The following HBP1 variants were observed in gnomAD, a reference collection of about 807,000 sequenced individuals.
HBP1 encodes HMG-box transcription factor 1.
A neutral mutation model predicts 62.6 loss-of-function variants in HBP1; 20 were observed. The ratio of observed to expected loss-of-function variants is 0.32; its 90% CI spans 0.22 to 0.46. The LOEUF is 0.46. HBP1 is among the 20% of genes least tolerant of loss of function. HBP1 has a pLI of 1.00. For missense variants in HBP1, 480 were observed against 611.8 expected (o/e 0.78, Z 2.27); for synonymous variants, 232 against 206.2 (o/e 1.12, Z -1.07).
intron 1 of HBP1, among the ~76,000 whole-genome samples, chr7:107,176,172 C>T (rs1204293403): frequency 7.2e-5 from 11 of 151,848 alleles, no homozygotes; most frequent in African/African-American, 2.7e-4. Flanking sequence ...ATTACAGGCG[C>T]GTGCCACCAT....
At chr7:107,176,732 G>A (rs374019220) in intron 1 of HBP1, among the ~76,000 whole-genome samples, 5 of 150,048 alleles carry the variant, frequency 3.3e-5, no homozygotes, top group Admixed American at 6.6e-5. Flanking sequence ...GGGAGAGAGT[G>A]GAGGCTTAAA....
chr7:107,173,468 A>C (rs993863674), intron 1 of HBP1: 1 of 152,222 alleles, frequency 6.6e-6, no homozygotes, highest in Non-Finnish European at 1.5e-5. Context: ...TCTCGCCTTC[A>C]AAAAGAAAAT....
chr7:107,181,658 GTT>G (rs1299812651), intron 2 of HBP1, among the ~76,000 whole-genome samples: 2 of 143,904 alleles, frequency 1.4e-5, no homozygotes, highest in East Asian at 2.0e-4. Context: ...TTCGTGGAGA[GTT>G]TTTTTTTTTA....
intron 8 of HBP1, among the ~76,000 whole-genome samples, chr7:107,190,709 A>G (rs1015854202): frequency 4.6e-5 from 7 of 152,150 alleles, no homozygotes; most frequent in African/African-American, 1.7e-4. Flanking sequence ...TTTTCTTGAT[A>G]TAATAGTTAA....
intron 2 of HBP1, among the ~76,000 whole-genome samples, chr7:107,181,061 C>T (rs924780119): frequency 2.0e-5 from 3 of 152,138 alleles, no homozygotes; most frequent in Non-Finnish European, 2.9e-5. Flanking sequence ...GCTATATCAG[C>T]ATGAAAATTG....
At chr7:107,199,774 T>A (rs1018330864) in intron 9 of HBP1, among the ~76,000 whole-genome samples, 3 of 152,240 alleles carry the variant, frequency 2.0e-5, no homozygotes, top group Admixed American at 6.5e-5. Flanking sequence ...TTATCCAGTT[T>A]TCTCAAGTAA....
chr7:107,169,157 G>A lies in HBP1; in HGVS notation c.-44G>A. The A allele has an allele frequency of 1.7e-6, 2 of 1,146,564 alleles. No individual in the cohort carries two copies. The highest frequency in any genetic ancestry group is 2.2e-6 in the Non-Finnish European group (2 of 911,492). 71.0% of individuals were successfully genotyped at this position (1,146,564 alleles called of 1,614,324 possible). A position where few individuals can be genotyped will look rare whatever the true frequency, so the allele number is the denominator to read the frequency against. ...GGTGTTGTCGTGGCCGGAGCGGCCCGCGCCTGGGCTGCCGGCACTTCGCGG... is the reference window on the plus strand; with the variant it reads ...GGTGTTGTCGTGGCCGGAGCGGCCCACGCCTGGGCTGCCGGCACTTCGCGG... On this transcript the variant is annotated 5_prime_UTR_variant, in exon 1 of 11. Transcript: ENST00000222574.
At chr7:107,183,244 A>G (rs1402991566) in intron 3 of HBP1, among the ~76,000 whole-genome samples, 1 of 152,230 alleles carries the variant, frequency 6.6e-6, no homozygotes, top group Non-Finnish European at 1.5e-5. Context: ...ATGACAGTTT[A>G]TAAGGGAGAG....
intron 1 of HBP1, among the ~76,000 whole-genome samples, chr7:107,169,460 C>T (rs1274339109): frequency 7.9e-6 from 1 of 127,238 alleles, no homozygotes; most frequent in African/African-American, 3.0e-5. Flanking sequence ...CGGGCCAGGT[C>T]GCGCGGTGGG....
chr7:107,185,763 G>A, intron 3 of HBP1, 38 bp from the exon 4 acceptor site: 1 of 1,564,478 alleles, frequency 6.4e-7, no homozygotes, highest in Non-Finnish European at 8.8e-7. Flanking sequence ...CTACTTTAAG[G>A]ACCTATGCTT....
At position 107,179,864 on chromosome 7, in the gene HBP1, C is replaced by T. The variant is rs753287209; in HGVS notation, c.-15-15C>T. ...ATGGCTTGACATCATTTCTTAATGT[C>T]GTTTTTATTTTAAGTCAGAGCACCA... On this transcript the variant is annotated splice_polypyrimidine_tract_variant and intron_variant, in intron 1 of 10. Transcript: ENST00000222574. 7.8e-6 allele frequency: 12 copies of T among 1,536,528 alleles called. No individual in the cohort carries two copies. Among genetic ancestry groups the T allele is most frequent in the South Asian group, 5.9e-5 (5 of 84,258 alleles).
In HBP1 at chr7:107,201,849, A is replaced by ATTT. The variant is rs1798342516; in HGVS notation, c.*418_*419insTTT. 2 of 155,090 alleles carry ATTT rather than the reference A, an allele frequency of 1.3e-5. No individual in the cohort carries two copies. The highest frequency in any genetic ancestry group is 2.9e-5 in the Non-Finnish European group (2 of 69,804). 9.6% of individuals were successfully genotyped at this position (155,090 alleles called of 1,614,324 possible). A position where few individuals can be genotyped will look rare whatever the true frequency, so the allele number is the denominator to read the frequency against. On this transcript the variant is annotated 3_prime_UTR_variant, in exon 11 of 11. Coordinates refer to ENST00000222574, the MANE Select transcript of HBP1 (RefSeq NM_012257.4). Reference sequence around the variant, plus strand: ...TACTGCTTATTAATCTGTATTGTACACATGATGAAATGAAGCAGAAGCTGG... The same window carrying ATTT: ...TACTGCTTATTAATCTGTATTGTACATTTCATGATGAAATGAAGCAGAAGCTGG...
At chr7:107,185,436 C>T (rs1797306274) in intron 3 of HBP1, among the ~76,000 whole-genome samples, 1 of 152,018 alleles carries the variant, frequency 6.6e-6, no homozygotes, top group Non-Finnish European at 1.5e-5. Flanking sequence ...CTGAGTACAT[C>T]AAAGTAGAAG....
chr7:107,172,475 G>T (rs1796646250), intron 1 of HBP1, among the ~76,000 whole-genome samples: 2 of 152,060 alleles, frequency 1.3e-5, no homozygotes, highest in Non-Finnish European at 1.5e-5. Context: ...AGTTTCATAA[G>T]AATTTTTAGA....
intron 9 of HBP1, among the ~76,000 whole-genome samples, chr7:107,199,384 A>G (rs1798094050): frequency 6.6e-6 from 1 of 152,222 alleles, no homozygotes; most frequent in South Asian, 2.1e-4. Flanking sequence ...GTCCAGCCCA[A>G]AAATTGGTTT....
At chr7:107,187,368 T>C (rs1292028796) in intron 6 of HBP1, among the ~76,000 whole-genome samples, 1 of 152,248 alleles carries the variant, frequency 6.6e-6, no homozygotes, top group Non-Finnish European at 1.5e-5. Flanking sequence ...TTATATTAAG[T>C]TACTTTATAT....
chr7:107,189,233 C>A (rs1797531814), intron 6 of HBP1, 59 bp from the exon 7 acceptor site: 1 of 1,408,946 alleles, frequency 7.1e-7, no homozygotes, highest in Admixed American at 1.9e-5. Flanking sequence ...GTAATGGGAA[C>A]TTCACAGTGT....
intron 3 of HBP1, among the ~76,000 whole-genome samples, chr7:107,183,382 T>A (rs546820673): frequency 6.6e-6 from 1 of 152,214 alleles, no homozygotes; most frequent in African/African-American, 2.4e-5. Flanking sequence ...AATAAACTTA[T>A]TAGGTATGAA....
In HBP1 at chr7:107,201,503, C is replaced by T. The variant is rs530266824; in HGVS notation, c.*72C>T. 5 of 921,258 alleles carry T rather than the reference C, an allele frequency of 5.4e-6. No individual in the cohort carries two copies. In the East Asian group the frequency reaches 1.2e-4, roughly 23 times the overall value. 57.1% of individuals were successfully genotyped at this position (921,258 alleles called of 1,614,324 possible). On this transcript the variant is annotated 3_prime_UTR_variant, in exon 11 of 11. Transcript: ENST00000222574. ...TCTTGATGGAAAGACTTAAGAAGATCAAGGTCTCACCATTTGTCCTCAATT... is the reference window on the plus strand; with the variant it reads ...TCTTGATGGAAAGACTTAAGAAGATTAAGGTCTCACCATTTGTCCTCAATT...
Sources: allele counts gnomAD v4.1 joint callset (sites outside exome capture counted in the v4.1 genomes callset), GRCh38; gene constraint gnomAD v4.1.1; transcripts MANE v1.5; gene names NCBI Gene and HGNC (gene_info 2026-07-23, HGNC 2026-07-21).